KCNT2: variants seen among roughly 807,000 people sequenced by gnomAD.
The protein encoded by KCNT2 is potassium channel subfamily T member 2.
KCNT2 carries 67 observed loss-of-function variants against 153.8 expected under a neutral mutation model. The observed-to-expected ratio is 0.44, with a 90% CI of 0.36 to 0.53. The LOEUF (loss-of-function observed/expected upper bound fraction) is 0.53. Among genes scored for constraint, KCNT2 ranks in the 20% least tolerant of loss-of-function variants. KCNT2 has a pLI of 0.00. For synonymous variants in KCNT2, 500 were observed against 458.8 expected (o/e 1.09, Z -1.15); for missense variants, 975 against 1,354.8 (o/e 0.72, Z 4.40).
At position 196,379,908 on chromosome 1, in the gene KCNT2, C is replaced by A. The variant is rs146792385; in HGVS notation, c.1295-6660G>T. 2.7e-3 allele frequency among the ~76,000 whole-genome samples: 413 copies of A among 152,188 alleles called. 5 individuals carry two copies. The highest frequency in any genetic ancestry group is 9.4e-3 in the African/African-American group (391 of 41,526). On this transcript the variant is annotated intron_variant, in intron 13 of 27. Transcript: ENST00000294725. ...AAAAATAGAAAATGAGTATAAAATG[C>A]TAATTAGAATTCTAAACAAGTATTA...
At chr1:196,405,187 AGATT>A (rs1671730212) in intron 12 of KCNT2, among the ~76,000 whole-genome samples, 1 of 151,514 alleles carries the variant, frequency 6.6e-6, no homozygotes, top group Admixed American at 6.6e-5. Context: ...TAAAAGCAGA[AGATT>A]GATTGATTTT....
chr1:196,350,649 A>T (rs934788781), intron 14 of KCNT2, among the ~76,000 whole-genome samples: 3 of 152,068 alleles, frequency 2.0e-5, no homozygotes, highest in African/African-American at 7.2e-5. Flanking sequence ...CCCATTTTGT[A>T]GGTTGCCTGT....
intron 8 of KCNT2, among the ~76,000 whole-genome samples, chr1:196,441,617 CTATT>C (rs1378806506): frequency 3.3e-5 from 5 of 151,242 alleles, no homozygotes; most frequent in Non-Finnish European, 7.4e-5. Flanking sequence ...TGTTAAATTG[CTATT>C]TATTACATTT....
chr1:196,342,355 T>A, intron 14 of KCNT2, 127 bp from the exon 15 acceptor site: 1 of 636,962 alleles, frequency 1.6e-6, no homozygotes, highest in Non-Finnish European at 2.4e-6. Flanking sequence ...CAAAGGAGCA[T>A]CTGAGTAATG....
At chr1:196,368,731 AT>A (rs1428865724) in intron 14 of KCNT2, among the ~76,000 whole-genome samples, 4 of 152,128 alleles carry the variant, frequency 2.6e-5, no homozygotes, top group African/African-American at 9.7e-5. Context: ...GAATTAATAA[AT>A]TCCTAGAAAA....
intron 14 of KCNT2, among the ~76,000 whole-genome samples, chr1:196,359,594 T>A (rs1667455198): frequency 6.6e-6 from 1 of 152,016 alleles, no homozygotes; most frequent in African/African-American, 2.4e-5. Context: ...AAGCAAGATA[T>A]GTTCTCTATA....
At chr1:196,454,066 C>G (rs1032723787) in intron 8 of KCNT2, among the ~76,000 whole-genome samples, 1 of 151,566 alleles carries the variant, frequency 6.6e-6, no homozygotes, top group Admixed American at 6.6e-5. Context: ...CTTATATTTC[C>G]TGAAATAATT....
chr1:196,478,593 C>T (rs1176452218), intron 5 of KCNT2, among the ~76,000 whole-genome samples: 1 of 152,030 alleles, frequency 6.6e-6, no homozygotes, highest in Non-Finnish European at 1.5e-5. Flanking sequence ...ATGATATGAG[C>T]TCTCTCTATA....
intron 1 of KCNT2, among the ~76,000 whole-genome samples, chr1:196,597,164 T>C (rs1258904906): frequency 6.6e-6 from 1 of 152,142 alleles, no homozygotes; most frequent in East Asian, 1.9e-4. Flanking sequence ...AGGACAGCCA[T>C]TCTATTATAG....
intron 5 of KCNT2, among the ~76,000 whole-genome samples, chr1:196,477,463 G>T (rs751387717): frequency 6.6e-6 from 1 of 151,930 alleles, no homozygotes; most frequent in Non-Finnish European, 1.5e-5. Context: ...CAGTGTGCAC[G>T]TATAGTCTCA....
chr1:196,540,639 T>C (rs1380370471), intron 1 of KCNT2, among the ~76,000 whole-genome samples: 1 of 152,130 alleles, frequency 6.6e-6, no homozygotes. Flanking sequence ...TGAATCATAG[T>C]TGTTCAGTTC....
chr1:196,464,042 A>C (rs1353899029), intron 8 of KCNT2, among the ~76,000 whole-genome samples: 2 of 151,900 alleles, frequency 1.3e-5, no homozygotes, highest in African/African-American at 2.4e-5. Flanking sequence ...CAATTGAAAA[A>C]TTATCGTATG....
chr1:196,302,410 G>T (rs142712185), intron 22 of KCNT2, among the ~76,000 whole-genome samples: 1 of 152,164 alleles, frequency 6.6e-6, no homozygotes, highest in African/African-American at 2.4e-5. Flanking sequence ...ATATCGACTG[G>T]GTGTTTTAAA....
At position 196,286,617 on chromosome 1, in the gene KCNT2, TCA is replaced by T. The variant is rs548240607; in HGVS notation, c.2596-861_2596-860del. Reference sequence around the variant, plus strand: ...CAGTTTGCAACTAATCTTCTGTATATCACACACACACACACACACATACACAC... The same window carrying T: ...CAGTTTGCAACTAATCTTCTGTATATCACACACACACACACACATACACAC... On this transcript the variant is annotated intron_variant, in intron 22 of 27. Transcript: ENST00000294725. Among the ~76,000 whole-genome samples, 116 of 142,948 alleles carry T rather than the reference TCA, an allele frequency of 8.1e-4. 1 individual carries two copies. Among genetic ancestry groups the T allele is most frequent in the Admixed American group, 1.7e-3 (25 of 14,548 alleles). 93.8% of individuals were successfully genotyped at this position (142,948 alleles called of 152,430 possible). A position where few individuals can be genotyped will look rare whatever the true frequency, so the allele number is the denominator to read the frequency against.
intron 26 of KCNT2, among the ~76,000 whole-genome samples, chr1:196,248,233 T>G (rs1655627962): frequency 6.6e-6 from 1 of 151,672 alleles, no homozygotes; most frequent in Non-Finnish European, 1.5e-5. Flanking sequence ...TGATGCATCT[T>G]AAAGCACTAG....
chr1:196,528,154 T>C (rs1654487402), intron 1 of KCNT2, among the ~76,000 whole-genome samples: 1 of 152,228 alleles, frequency 6.6e-6, no homozygotes, highest in Non-Finnish European at 1.5e-5. Context: ...TTCTAATTTG[T>C]TTACTTCACT....
At chr1:196,581,134 T>C (rs2148975741) in intron 1 of KCNT2, among the ~76,000 whole-genome samples, 1 of 152,200 alleles carries the variant, frequency 6.6e-6, no homozygotes, top group East Asian at 1.9e-4. Flanking sequence ...GATATAGTCA[T>C]TCTTTTAGCA....
intron 12 of KCNT2, among the ~76,000 whole-genome samples, chr1:196,402,979 G>A (rs903442345): frequency 6.6e-6 from 1 of 151,604 alleles, no homozygotes; most frequent in African/African-American, 2.4e-5. Flanking sequence ...AATGCAAAAT[G>A]ATACATCAAA....
intron 19 of KCNT2, among the ~76,000 whole-genome samples, chr1:196,320,723 A>AG: frequency 6.6e-6 from 1 of 151,640 alleles, no homozygotes; most frequent in African/African-American, 2.4e-5. Flanking sequence ...GAAAAAAAAA[A>AG]AAACTTGTAA....
Sources: gnomAD v4.1 joint callset for allele counts (sites outside exome capture counted in the v4.1 genomes callset) on GRCh38, gnomAD v4.1.1 for gene constraint, MANE v1.5 for transcripts, NCBI Gene and HGNC (gene_info 2026-07-23, HGNC 2026-07-21) for gene names.